Variants in LINGO2 observed in about 807,000 individuals in gnomAD.
LINGO2 encodes leucine rich repeat and Ig domain containing 2.
Under a neutral mutation model 30.6 loss-of-function variants are expected in LINGO2, and 14 were observed. That is an observed-to-expected ratio of 0.46 (90% confidence interval 0.30 to 0.72). The LOEUF is 0.72. LINGO2 is among the 30% of genes least tolerant of loss of function. LINGO2 has a pLI of 0.07. For synonymous variants in LINGO2, 317 were observed against 288.5 expected (o/e 1.10, Z -1.00); for missense variants, 729 against 751.7 (o/e 0.97, Z 0.35).
the LINGO2 span, among the ~76,000 whole-genome samples, chr9:29,136,636 A>T: frequency 1.3e-5 from 2 of 152,086 alleles, no homozygotes; most frequent in Non-Finnish European, 2.9e-5. Flanking sequence ...CTTCTCAGTT[A>T]TATCTATGAT....
At chr9:29,000,644 T>C in the LINGO2 span, among the ~76,000 whole-genome samples, 1 of 151,942 alleles carries the variant, frequency 6.6e-6, no homozygotes. Context: ...CCATACGCAA[T>C]ACGAAATACA....
intron 1 of LINGO2, among the ~76,000 whole-genome samples, chr9:28,633,098 A>G (rs1437995121): frequency 6.6e-6 from 1 of 151,676 alleles, no homozygotes; most frequent in East Asian, 1.9e-4. Context: ...GGCTAGGCCC[A>G]TCTCTCTCCT....
intron 1 of LINGO2, among the ~76,000 whole-genome samples, chr9:28,639,806 T>C (rs1245723083): frequency 3.3e-5 from 5 of 152,194 alleles, no homozygotes; most frequent in Non-Finnish European, 4.4e-5. Context: ...AATTGGAGCA[T>C]TTAGCCTATT....
chr9:28,347,092 T>C (rs1819610331), intron 3 of LINGO2, among the ~76,000 whole-genome samples: 3 of 152,184 alleles, frequency 2.0e-5, no homozygotes, highest in Admixed American at 1.3e-4. Context: ...AAATATGTTT[T>C]ATATTCTTTC....
chr9:28,962,457 A>C, the LINGO2 span, among the ~76,000 whole-genome samples: 1 of 152,062 alleles, frequency 6.6e-6, no homozygotes, highest in African/African-American at 2.4e-5. Context: ...AATGTTCTTG[A>C]AGTATGAAAA....
chr9:29,195,825 C>T, the LINGO2 span, among the ~76,000 whole-genome samples: 2 of 152,064 alleles, frequency 1.3e-5, no homozygotes, highest in Non-Finnish European at 1.5e-5. Flanking sequence ...GTTATAAAAA[C>T]ATTAATTTGG....
chr9:28,226,575 A>AAG (rs879905593), intron 4 of LINGO2, among the ~76,000 whole-genome samples: 26 of 151,144 alleles, frequency 1.7e-4, no homozygotes, highest in Admixed American at 4.0e-4. Context: ...TCGGAAGAAA[A>AAG]AGAGAGAGAG....
the LINGO2 span, among the ~76,000 whole-genome samples, chr9:28,689,884 C>T: frequency 5.9e-5 from 9 of 152,236 alleles, no homozygotes; most frequent in Admixed American, 5.9e-4. Flanking sequence ...AAATACTATG[C>T]AGCCATGAAA....
chr9:28,663,727 A>G (rs1253642189), intron 1 of LINGO2, among the ~76,000 whole-genome samples: 3 of 152,308 alleles, frequency 2.0e-5, no homozygotes, highest in African/African-American at 7.2e-5. Context: ...CACATAAACC[A>G]TTTAAAAAGG....
At chr9:28,554,678 C>T (rs1316618928) in intron 1 of LINGO2, among the ~76,000 whole-genome samples, 1 of 69,388 alleles carries the variant, frequency 1.4e-5, no homozygotes, top group Non-Finnish European at 2.7e-5. Flanking sequence ...CTCTCCACCC[C>T]AAATCAACAG....
At chr9:29,003,161 T>C in the LINGO2 span, among the ~76,000 whole-genome samples, 1 of 152,148 alleles carries the variant, frequency 6.6e-6, no homozygotes, top group South Asian at 2.1e-4. Flanking sequence ...GAGAGCCTGG[T>C]TCTGCTGACA....
chr9:28,762,803 A>G, the LINGO2 span, among the ~76,000 whole-genome samples: 54 of 152,082 alleles, frequency 3.6e-4, 1 homozygote, highest in East Asian at 7.7e-4. Flanking sequence ...CCTTGCCCCA[A>G]TACCTTGTCT....
intron 4 of LINGO2, among the ~76,000 whole-genome samples, chr9:28,065,877 C>T (rs559401760): frequency 1.5e-4 from 23 of 152,140 alleles, no homozygotes; most frequent in African/African-American, 5.5e-4. Flanking sequence ...ACAAAAACCC[C>T]AGAAATATTA....
chr9:28,890,196 TTTTGTTTTG>T, the LINGO2 span, among the ~76,000 whole-genome samples: 2 of 1,672 alleles, frequency 1.2e-3, no homozygotes, highest in South Asian at 9.8e-3. Flanking sequence ...TTTCTTGGTT[TTTTGTTTTG>T]TTTTGTTTTG....
At chr9:28,591,786 G>A (rs1824926319) in intron 1 of LINGO2, among the ~76,000 whole-genome samples, 1 of 151,998 alleles carries the variant, frequency 6.6e-6, no homozygotes, top group African/African-American at 2.4e-5. Flanking sequence ...CTCTTGTTTT[G>A]TAGAGCTTAT....
chr9:29,120,848 C>G, the LINGO2 span, among the ~76,000 whole-genome samples: 2 of 152,100 alleles, frequency 1.3e-5, no homozygotes, highest in Non-Finnish European at 2.9e-5. Flanking sequence ...GTAGAACTTG[C>G]ATGATAGAGT....
the LINGO2 span, among the ~76,000 whole-genome samples, chr9:28,869,035 T>C: frequency 1.9e-3 from 289 of 152,220 alleles, 1 homozygote; most frequent in African/African-American, 6.9e-3. Flanking sequence ...GGGATAAAAA[T>C]AAATGATATA....
the LINGO2 span, among the ~76,000 whole-genome samples, chr9:29,213,349 G>T: frequency 1.3e-5 from 2 of 152,120 alleles, no homozygotes; most frequent in Non-Finnish European, 2.9e-5. Flanking sequence ...AATTAGGTGG[G>T]GATGAGGCGG....
the LINGO2 span, among the ~76,000 whole-genome samples, chr9:29,198,964 T>C: frequency 5.3e-5 from 8 of 152,096 alleles, no homozygotes; most frequent in South Asian, 1.2e-3. Context: ...CAGATATCTC[T>C]GTGTCTCAAT....
Sources: gnomAD v4.1 joint callset for allele counts (sites outside exome capture counted in the v4.1 genomes callset) on GRCh38, gnomAD v4.1.1 for gene constraint, MANE v1.5 for transcripts, NCBI Gene and HGNC (gene_info 2026-07-23, HGNC 2026-07-21) for gene names.